The following PCGF3 variants were observed in gnomAD, a reference collection of about 807,000 sequenced individuals.
PCGF3 encodes the protein polycomb group RING finger protein 3.
Under a neutral mutation model 33.1 loss-of-function variants are expected in PCGF3, and 7 were observed. The observed-to-expected ratio is 0.21, with a 90% confidence interval of 0.12 to 0.40. The LOEUF (loss-of-function observed/expected upper bound fraction) is 0.40. PCGF3 is among the 10% of genes least tolerant of loss of function. The pLI is 1.00. For missense variants in PCGF3, 211 were observed against 313.3 expected (o/e 0.67, Z 2.46); for synonymous variants, 153 against 121.3 (o/e 1.26, Z -1.72).
At chr4:735,505 C>T (rs980329774) in intron 5 of PCGF3, among the ~76,000 whole-genome samples, 1 of 151,850 alleles carries the variant, frequency 6.6e-6, no homozygotes, top group Admixed American at 6.6e-5. Context: ...GAGATTGCGC[C>T]GTTGCACTCC....
chr4:720,709 G>A lies in PCGF3; in HGVS notation c.-189-9921G>A, dbSNP rs888904648. On this transcript the variant is annotated intron_variant, in intron 1 of 10. Coordinates refer to ENST00000362003, the Ensembl canonical transcript of PCGF3. This position sits in a 1 kb window ranked among gnomAD's most constrained non-coding sequence, Gnocchi z 5.6. ...CGGGCGGTGACGTGCGTGTGGACCC[G>A]GCGTGGACGGGCGGTGACGTGCGTG... 2.0e-5 allele frequency among the ~76,000 whole-genome samples: 3 copies of A among 149,768 alleles called. No individual in the cohort carries two copies. Among genetic ancestry groups the A allele is most frequent in the South Asian group, 2.1e-4 (1 of 4,720 alleles).
rs540062784 is a variant in PCGF3 at position 752,017 on chromosome 4, G to T, written c.462+7329G>T. ...CGCTGAGCAACGCAAAAGCGTGTCG[G>T]GTTTATTTACTCACAACGATGTCTT... On this transcript the variant is annotated intron_variant, in intron 8 of 10. Coordinates refer to ENST00000362003, the Ensembl canonical transcript of PCGF3. 5.9e-5 allele frequency among the ~76,000 whole-genome samples: 9 copies of T among 152,380 alleles called. No individual in the cohort carries two copies. In the East Asian group the frequency reaches 1.7e-3, roughly 29 times the overall value.
intron 1 of PCGF3, among the ~76,000 whole-genome samples, chr4:729,932 G>A (rs1050460578): frequency 6.6e-6 from 1 of 152,138 alleles, no homozygotes; most frequent in African/African-American, 2.4e-5. Flanking sequence ...AGGCCACCGA[G>A]GTTCCCGGGG....
At chr4:716,289 T>G (rs1218989127) in intron 1 of PCGF3, among the ~76,000 whole-genome samples, 8 of 99,124 alleles carry the variant, frequency 8.1e-5, no homozygotes, top group East Asian at 6.7e-4. Flanking sequence ...AGACACTGAG[T>G]GTGAGAACTG....
At chr4:731,101 T>C (rs1743535867) in exon 3 of PCGF3, 1 of 398,458 alleles carries the variant, frequency 2.5e-6, no homozygotes, top group African/African-American at 2.1e-5. Context: ...CACGCGGACG[T>C]CTAGCGGAGG....
At position 751,658 on chromosome 4, in the gene PCGF3, G is replaced by A. The variant is rs770443472; in HGVS notation, c.462+6970G>A. ...TATGAGGGAAGCACCTGCCACCCAG[G>A]CCCATGTTTCTGCTCTCAGCCTTGT... is the stretch of plus-strand genomic sequence containing the variant. On this transcript the variant is annotated intron_variant, in intron 8 of 10. Coordinates refer to ENST00000362003, the Ensembl canonical transcript of PCGF3. 8.6e-5 allele frequency among the ~76,000 whole-genome samples: 13 copies of A among 150,614 alleles called. 2 individuals are homozygous for A. The highest frequency in any genetic ancestry group is 6.6e-5 in the Admixed American group (1 of 15,122).
rs1426911413 is a variant in PCGF3 at position 737,354 on chromosome 4, C to T, written c.207-112C>T. On this transcript the variant is annotated intron_variant, in intron 5 of 10. Transcript: ENST00000362003. Reference sequence around the variant, plus strand: ...CATGTGTAAACTAGAAGTAAAATTCCAACAAAGCTCCAGACTGGTGATTCT... The same window carrying T: ...CATGTGTAAACTAGAAGTAAAATTCTAACAAAGCTCCAGACTGGTGATTCT... 1.4e-5 allele frequency: 10 copies of T among 732,916 alleles called. No homozygotes were observed. In the African/African-American group the frequency reaches 1.4e-4, roughly 10 times the overall value. The allele number at this position is 732,916 out of a possible 1,614,324, so 45.4% of individuals were successfully genotyped here. A position where few individuals can be genotyped will look rare whatever the true frequency, so the allele number is the denominator to read the frequency against.
At chr4:755,163 C>T (rs1744714307) in intron 8 of PCGF3, among the ~76,000 whole-genome samples, 1 of 152,232 alleles carries the variant, frequency 6.6e-6, no homozygotes, top group Non-Finnish European at 1.5e-5. Context: ...GTGTGCGTGG[C>T]ACGTGTTGTT....
In PCGF3 at chr4:731,495, TC is replaced by T. The variant is rs1743558027; in HGVS notation, c.-10+388del. ...GCGCAGGGCAGGGCTATCTCTCCCC[TC>T]CCGGGTGCTCTGTCCCCTCGTGGGT... On this transcript the variant is annotated intron_variant, in intron 3 of 10. Coordinates refer to ENST00000362003, the Ensembl canonical transcript of PCGF3. 3 of 242,396 alleles carry T rather than the reference TC, an allele frequency of 1.2e-5. No homozygotes were observed. In the South Asian group the frequency reaches 2.9e-4, roughly 24 times the overall value. 15.0% of individuals were successfully genotyped at this position (242,396 alleles called of 1,614,324 possible).
intron 1 of PCGF3, among the ~76,000 whole-genome samples, chr4:729,025 G>A (rs183771436): frequency 7.0e-6 from 1 of 143,724 alleles, no homozygotes; most frequent in East Asian, 2.2e-4. Context: ...GCTTGAATCT[G>A]GAAAGTGGAG....
chr4:732,248 TC>T (rs1255503682), intron 3 of PCGF3, among the ~76,000 whole-genome samples: 2 of 139,210 alleles, frequency 1.4e-5, no homozygotes, highest in South Asian at 4.7e-4. Flanking sequence ...GGGCTCCCCC[TC>T]CCCTCCCGAG....
rs958186774 is a variant in PCGF3 at position 720,587 on chromosome 4, G to A, written c.-189-10043G>A. The stretch of plus-strand genomic sequence containing the variant: ...ACGTGAACAGGACCCCACGTGGACG[G>A]GCAGTGACGTGCGTGTGGACCCGGG... On this transcript the variant is annotated intron_variant, in intron 1 of 10. Coordinates refer to ENST00000362003, the Ensembl canonical transcript of PCGF3. This position sits in a 1 kb window ranked among gnomAD's most constrained non-coding sequence, Gnocchi z 5.6. Among the ~76,000 whole-genome samples the A allele has an allele frequency of 1.3e-5, 2 of 152,016 alleles. No homozygotes were observed. Among genetic ancestry groups the A allele is most frequent in the Admixed American group, 6.5e-5 (1 of 15,276 alleles).
rs571577453 is a variant in PCGF3, at chr4:753,831, C to T, written c.463-7448C>T. Among the ~76,000 whole-genome samples, 24 of 151,060 alleles carry T rather than the reference C, an allele frequency of 1.6e-4. No homozygotes were observed. The South Asian group carries it at 4.8e-3, about 30-fold the overall frequency. ...GGCATGGTGGTGGGTGCCTGTAATC[C>T]CAGCTACTCGGAGGCTGAGGCATGA... On this transcript the variant is annotated intron_variant, in intron 8 of 10. Transcript: ENST00000362003.
Position 737,530 on chromosome 4 carries a change from C to G in PCGF3, c.262+9C>G, listed in dbSNP as rs983257521. On this transcript the variant is annotated intron_variant, in intron 6 of 10. Transcript: ENST00000362003. ...ACCAGGCCTCCAAGAAGGTGAGTGT[C>G]TGACTGTCTTGCTGATCCCTGAGGT... The G allele has an allele frequency of 6.3e-7, 1 of 1,581,158 alleles. No homozygotes were observed. Among genetic ancestry groups the G allele is most frequent in the African/African-American group, 1.3e-5 (1 of 74,312 alleles).
chr4:751,992 C>T (rs1034023721), intron 8 of PCGF3, among the ~76,000 whole-genome samples: 32 of 152,268 alleles, frequency 2.1e-4, no homozygotes, highest in African/African-American at 4.6e-4. Context: ...GTTTAGTCAT[C>T]GCTGAGCAAC....
intron 1 of PCGF3, among the ~76,000 whole-genome samples, chr4:714,267 G>A (rs1481684131): frequency 6.6e-6 from 1 of 152,176 alleles, no homozygotes; most frequent in African/African-American, 2.4e-5. Context: ...TGCTTCGGTC[G>A]CAGCCGCCTG....
chr4:706,819 G>A lies in PCGF3; in HGVS notation c.-190+849G>A, dbSNP rs555300275. ...CGAAGACCCCAGCCCAGGCAGGACC[G>A]CGGGAGGGCAGGGACCCCAGACCAG... On this transcript the variant is annotated intron_variant, in intron 1 of 10. Coordinates refer to ENST00000362003, the Ensembl canonical transcript of PCGF3. Among the ~76,000 whole-genome samples the A allele has an allele frequency of 3.3e-5, 4 of 122,114 alleles. No individual in the cohort carries two copies. In the South Asian group the frequency reaches 1.3e-3, roughly 38 times the overall value. 80.1% of individuals were successfully genotyped at this position (122,114 alleles called of 152,430 possible).
chr4:735,151 C>G, intron 5 of PCGF3, 124 bp downstream of exon 5: 2 of 1,055,712 alleles, frequency 1.9e-6, no homozygotes, highest in South Asian at 3.3e-5. Flanking sequence ...CCTCTCCTGA[C>G]CAAGGGCACC....
chr4:735,014 C>A, exon 5 of PCGF3: 1 of 1,612,692 alleles, frequency 6.2e-7, no homozygotes, highest in South Asian at 1.1e-5. Flanking sequence ...GAGCCACCCC[C>A]TGCAGTACAT....
Sources: gnomAD v4.1 joint callset for allele counts (sites outside exome capture counted in the v4.1 genomes callset) on GRCh38, gnomAD v4.1.1 for gene constraint, Gnocchi (gnomAD v3.1) non-coding constraint, MANE v1.5 for transcripts, NCBI Gene and HGNC (gene_info 2026-07-23, HGNC 2026-07-21) for gene names.